Variants in TRAFD1 observed in about 807,000 individuals in gnomAD.
The protein encoded by TRAFD1 is TRAF-type zinc finger domain containing 1, also known as TRAF-type zinc finger domain-containing protein 1.
In TRAFD1, 38 loss-of-function variants were observed where a neutral mutation model predicts 65.3. That is an observed-to-expected ratio of 0.58 (90% CI 0.45 to 0.76). TRAFD1 has a LOEUF of 0.76. Ranked by LOEUF, TRAFD1 falls within the 30% of genes least tolerant of loss-of-function variation. The probability of loss-of-function intolerance (pLI) is 0.00; values close to 1 mark genes in which losing one functional copy is unlikely to be tolerated. For synonymous variants in TRAFD1, 223 were observed against 257.2 expected (o/e 0.87, Z 1.27); for missense variants, 631 against 712.6 (o/e 0.89, Z 1.30).
chr12:112,141,816 G>A (rs2030096507), intron 5 of TRAFD1: 1 of 377,282 alleles, frequency 2.7e-6, no homozygotes, highest in African/African-American at 2.0e-5. Context: ...CAGAAAATAA[G>A]TATAAAATGT....
In TRAFD1 at chr12:112,130,553, C is replaced by T. The variant is rs992306190; in HGVS notation, c.31C>T (p.Arg11Ter). The T allele has an allele frequency of 2.5e-6, 4 of 1,612,438 alleles. No individual in the cohort carries two copies. Among genetic ancestry groups the T allele is most frequent in the African/African-American group, 2.7e-5 (2 of 74,832 alleles). Residue 11 changes from arginine to a stop codon, truncating the protein, a stop_gained, in exon 2 of 12, where the codon CGA (arginine) becomes TGA (stop). Transcript: ENST00000412615. LOFTEE classifies it high-confidence loss of function. This position sits in a 1 kb window ranked among gnomAD's most constrained non-coding sequence, Gnocchi z 4.4. ...TGAATTTCTAGATGACCAGGAAACT[C>T]GACTGTGTGACAACTGGTAAGACAT... Reference protein sequence around the residue: MAEFLDDQETRLCDNCKKEIP... With the variant: MAEFLDDQET
At chr12:112,147,021 A>C (rs1394912053) in intron 7 of TRAFD1, among the ~76,000 whole-genome samples, 1 of 80,440 alleles carries the variant, frequency 1.2e-5, no homozygotes, top group Admixed American at 1.8e-4. Context: ...TTTTTTTGAG[A>C]TGGAGTCTCA....
In TRAFD1 at chr12:112,145,478, CATT is replaced by C. The variant is rs1046746303; in HGVS notation, c.851-106_851-104del. The C allele has an allele frequency of 1.6e-5, 18 of 1,091,642 alleles. No homozygotes were observed. In the African/African-American group the frequency reaches 2.5e-4, roughly 15 times the overall value. 67.6% of individuals were successfully genotyped at this position (1,091,642 alleles called of 1,614,324 possible). A position where few individuals can be genotyped will look rare whatever the true frequency, so the allele number is the denominator to read the frequency against. On this transcript the variant is annotated intron_variant, in intron 6 of 11. Coordinates refer to ENST00000412615, the MANE Select transcript of TRAFD1 (RefSeq NM_006700.3). ...CCCACAAATTGCTATCTATAAGAAA[CATT>C]AAAGAAAGCCAAACTTCTATATAAG...
At chr12:112,148,533 A>G (rs575014205) in intron 8 of TRAFD1, among the ~76,000 whole-genome samples, 1 of 152,196 alleles carries the variant, frequency 6.6e-6, no homozygotes, top group Non-Finnish European at 1.5e-5. Flanking sequence ...CTAGCTGAGG[A>G]CCAAAGAGCC....
intron 4 of TRAFD1, among the ~76,000 whole-genome samples, chr12:112,138,054 A>G (rs1322337628): frequency 6.6e-6 from 1 of 152,072 alleles, no homozygotes; most frequent in Non-Finnish European, 1.5e-5. Flanking sequence ...CAGTCTAGGC[A>G]ATATCGTGAG....
At chr12:112,143,190 C>T (rs927878342) in intron 6 of TRAFD1, among the ~76,000 whole-genome samples, 8 of 152,208 alleles carry the variant, frequency 5.3e-5, no homozygotes, top group Non-Finnish European at 1.2e-4. Flanking sequence ...CGCCATTCAC[C>T]TGCCTCAGTC....
Position 112,151,977 on chromosome 12 carries a change from C to A in TRAFD1, c.1456C>A (p.Leu486Ile). 6.2e-7 allele frequency: 1 copy of A among 1,614,248 alleles called. No homozygotes were observed. ...CQPSSPCVPK[L>I]SNSDSQDIQG... is the part of the protein sequence containing the mutation. Reference sequence around the variant, plus strand: ...GCCCAGCTCTCCTTGTGTGCCGAAGCTCAGCAACTCAGACAGCCAGGACAT... The same window carrying A: ...GCCCAGCTCTCCTTGTGTGCCGAAGATCAGCAACTCAGACAGCCAGGACAT... The change falls in exon 10 of 12, where the codon CTC (leucine) becomes ATC (isoleucine). Residue 486 changes from leucine (L) to isoleucine (I), a missense_variant. By Grantham distance (5) the Leu-to-Ile change is conservative (BLOSUM62 2). Transcript: ENST00000412615.
Position 112,141,157 on chromosome 12 carries a change from T to C in TRAFD1, c.576T>C (p.Asp192=), listed in dbSNP as rs767312226. The C allele has an allele frequency of 6.2e-7, 1 of 1,614,070 alleles. No individual in the cohort carries two copies. ...PRRPLRAFES[D]VFHNRTTNQR... Reference sequence around the variant, plus strand: ...GGCCCCTGAGAGCCTTTGAATCAGATGTTTTCCACAATAGAACTACCAACC... The same window carrying C: ...GGCCCCTGAGAGCCTTTGAATCAGACGTTTTCCACAATAGAACTACCAACC... The change falls in exon 5 of 12, where the codon GAT becomes GAC. Residue 192 remains aspartate, a synonymous_variant. Transcript: ENST00000412615.
rs1453701987 is a variant in TRAFD1 at position 112,134,840 on chromosome 12, C to A, written c.150C>A (p.Asp50Glu). The A allele has an allele frequency of 6.2e-7, 1 of 1,613,684 alleles. No individual in the cohort carries two copies. The highest frequency in any genetic ancestry group is 1.1e-5 in the South Asian group (1 of 91,076). Residue 50 changes from aspartate to glutamate, a missense_variant, in exon 3 of 12, where the codon GAC becomes GAA. Physicochemically the swap from Asp to Glu is conservative, Grantham distance 45. Coordinates refer to ENST00000412615, the MANE Select transcript of TRAFD1 (RefSeq NM_006700.3). ...PTCKEPFPKS[D>E]METHMAAEHC... is the part of the protein sequence containing the mutation. ...GTAAGGAACCATTTCCCAAATCTGA[C>A]ATGGAGACTCACATGGCTGCAGAAC...
Position 112,148,310 on chromosome 12 carries a change from G to C in TRAFD1, c.1158+6G>C. 6.2e-7 allele frequency: 1 copy of C among 1,612,676 alleles called. No homozygotes were observed. Among genetic ancestry groups the C allele is most frequent in the South Asian group, 1.1e-5 (1 of 90,974 alleles). ...AGGTGCTGTTCCATCACCAGGTAAG[G>C]GTCCCTGGAGTCCCTGTCCATGTGG... On this transcript the variant is annotated splice_donor_region_variant and intron_variant, in intron 8 of 11. Transcript: ENST00000412615.
Position 112,149,873 on chromosome 12 carries a change from T to C in TRAFD1, c.1279+2T>C. On this transcript the variant is annotated splice_donor_variant, in intron 9 of 11. Coordinates refer to ENST00000412615, the MANE Select transcript of TRAFD1 (RefSeq NM_006700.3). LOFTEE classifies it high-confidence loss of function. ...CCAGGAGGCGTGTCAGACACCAGGG[T>C]ATTTATTAGCCAGGACTCAGCCAAG... is the stretch of plus-strand genomic sequence containing the variant. The C allele has an allele frequency of 6.2e-7, 1 of 1,613,896 alleles. No individual in the cohort carries two copies. The highest frequency in any genetic ancestry group is 8.5e-7 in the Non-Finnish European group (1 of 1,179,894).
At chr12:112,136,867 A>G (rs920722680) in intron 4 of TRAFD1, among the ~76,000 whole-genome samples, 2 of 152,236 alleles carry the variant, frequency 1.3e-5, no homozygotes, top group Admixed American at 1.3e-4. Context: ...TGTCGAGATT[A>G]CAGGCGTGAG....
chr12:112,151,653 C>T (rs1245459221), intron 9 of TRAFD1, 148 bp from the exon 10 acceptor site: 7 of 715,992 alleles, frequency 9.8e-6, no homozygotes, highest in Non-Finnish European at 1.6e-5. Flanking sequence ...GCACCTCGGC[C>T]TCCCAAAGTG....
intron 5 of TRAFD1, 36 bp downstream of exon 5, chr12:112,141,260 A>G: frequency 5.0e-6 from 8 of 1,599,094 alleles, no homozygotes; most frequent in Non-Finnish European, 6.8e-6. Flanking sequence ...CTAGAATGGT[A>G]TCAAAATCCC....
At chr12:112,144,884 C>T (rs552624530) in intron 6 of TRAFD1, among the ~76,000 whole-genome samples, 1 of 152,128 alleles carries the variant, frequency 6.6e-6, no homozygotes, top group South Asian at 2.1e-4. Context: ...ATCACAAATG[C>T]GAATTTATGT....
rs529207450 is a variant in TRAFD1, at chr12:112,141,356, C to T, written c.643+132C>T. On this transcript the variant is annotated intron_variant, in intron 5 of 11. Transcript: ENST00000412615. Reference sequence around the variant, plus strand: ...AGCTGAGTAACACTGGGAAGAATACCTCTCTTTCCTATAAAATGGAAATAA... The same window carrying T: ...AGCTGAGTAACACTGGGAAGAATACTTCTCTTTCCTATAAAATGGAAATAA... The T allele has an allele frequency of 1.3e-5, 13 of 1,015,864 alleles. No homozygotes were observed. In the South Asian group the frequency reaches 1.5e-4, roughly 12 times the overall value. 62.9% of individuals were successfully genotyped at this position (1,015,864 alleles called of 1,614,324 possible).
rs1186593205 is a variant in TRAFD1, at chr12:112,137,222, AAAAC to A, written c.237+2164_237+2167del. Among the ~76,000 whole-genome samples the A allele has an allele frequency of 3.3e-5, 5 of 152,140 alleles. 1 individual carries two copies. The highest frequency in any genetic ancestry group is 4.8e-5 in the African/African-American group (2 of 41,414). Reference sequence around the variant, plus strand: ...TGGGTGACAGGGTGAGACTCCATCTAAAACAAACAAAAAAAAACTGGCTCACCTT... The same window carrying A: ...TGGGTGACAGGGTGAGACTCCATCTAAAACAAAAAAAAACTGGCTCACCTT... On this transcript the variant is annotated intron_variant, in intron 4 of 11. Transcript: ENST00000412615. This position sits in a 1 kb window ranked among gnomAD's most constrained non-coding sequence, Gnocchi z 4.2.
chr12:112,144,787 G>A (rs577327430), intron 6 of TRAFD1, among the ~76,000 whole-genome samples: 122 of 152,262 alleles, frequency 8.0e-4, no homozygotes, highest in African/African-American at 2.8e-3. Context: ...GTAGGCTGAG[G>A]TGGGAGGATC....
chr12:112,143,246 A>G (rs565307966), intron 6 of TRAFD1, among the ~76,000 whole-genome samples: 1 of 151,870 alleles, frequency 6.6e-6, no homozygotes, highest in Non-Finnish European at 1.5e-5. Context: ...CACCCGGCCA[A>G]TTTTTTGTAT....
Sources: allele counts gnomAD v4.1 joint callset (sites outside exome capture counted in the v4.1 genomes callset), GRCh38; gene constraint gnomAD v4.1.1; non-coding constraint Gnocchi (gnomAD v3.1); transcripts MANE v1.5; gene names NCBI Gene and HGNC (gene_info 2026-07-23, HGNC 2026-07-21).